ACYP2: variants seen among roughly 807,000 people sequenced by gnomAD.
The protein encoded by ACYP2 is acylphosphatase-2.
ACYP2 carries 12 observed loss-of-function variants against 11.2 expected under a neutral mutation model. That is an observed-to-expected ratio of 1.08 (90% CI 0.69 to 1.74). The LOEUF is 1.74. ACYP2 is among the 40% of genes most tolerant of loss of function. ACYP2 has a pLI of 0.00. For synonymous variants in ACYP2, 43 were observed against 32.2 expected (o/e 1.33, Z -1.13); for missense variants, 134 against 101.9 (o/e 1.31, Z -1.35).
chr2:54,037,772 T>A (rs1374158672), intron 2 of ACYP2, among the ~76,000 whole-genome samples: 1 of 152,126 alleles, frequency 6.6e-6, no homozygotes, highest in Non-Finnish European at 1.5e-5. Flanking sequence ...GAAATCAGAG[T>A]GCTTTTGAAA....
chr2:54,053,873 C>G (rs1055943822), intron 3 of ACYP2, among the ~76,000 whole-genome samples: 1 of 152,190 alleles, frequency 6.6e-6, no homozygotes, highest in East Asian at 1.9e-4. Context: ...TGATTAGACC[C>G]TAACTAATTA....
At chr2:53,973,872 TGTGTG>T (rs1671313040) in intron 2 of ACYP2, 1 of 117,602 alleles carries the variant, frequency 8.5e-6, no homozygotes, top group Admixed American at 9.2e-5. Flanking sequence ...TGTGTGTGTG[TGTGTG>T]TGTGTGTGTG....
At chr2:54,146,800 T>G (rs1170685279) in intron 6 of ACYP2, among the ~76,000 whole-genome samples, 1 of 141,166 alleles carries the variant, frequency 7.1e-6, no homozygotes, top group African/African-American at 2.7e-5. Context: ...GCATTGTCTC[T>G]TTTTTTTTTT....
At chr2:54,178,848 A>G (rs917531638) in intron 6 of ACYP2, among the ~76,000 whole-genome samples, 2 of 152,192 alleles carry the variant, frequency 1.3e-5, no homozygotes, top group African/African-American at 4.8e-5. Flanking sequence ...CTGAGCTGCG[A>G]GTTCTGTTCA....
At chr2:54,120,613 C>T (rs1559040) in intron 4 of ACYP2, among the ~76,000 whole-genome samples, 16,801 of 152,228 alleles carry the variant, frequency 0.11, 979 homozygotes, top group Non-Finnish European at 0.13. Context: ...GAAATCTCCA[C>T]GGCTAGTGGC....
chr2:54,297,607 G>A (rs1369250901), intron 6 of ACYP2, among the ~76,000 whole-genome samples: 1 of 152,046 alleles, frequency 6.6e-6, no homozygotes, highest in Non-Finnish European at 1.5e-5. Flanking sequence ...ACATGGAGTG[G>A]TTTACTGGCA....
At chr2:54,137,604 A>G (rs149402259) in intron 5 of ACYP2, among the ~76,000 whole-genome samples, 51 of 152,286 alleles carry the variant, frequency 3.3e-4, no homozygotes, top group Middle Eastern at 3.4e-3. Context: ...CCTTCAAAGG[A>G]CATGATCTCA....
chr2:54,156,182 A>C (rs1682421567), intron 6 of ACYP2, among the ~76,000 whole-genome samples: 1 of 152,170 alleles, frequency 6.6e-6, no homozygotes, highest in Admixed American at 6.5e-5. Context: ...GCTCAAGTTC[A>C]ATATTTGCTT....
intron 2 of ACYP2, among the ~76,000 whole-genome samples, chr2:54,003,354 A>C (rs944779834): frequency 2.6e-5 from 4 of 150,982 alleles, no homozygotes; most frequent in African/African-American, 9.8e-5. Flanking sequence ...CCGCCTCCCA[A>C]GTTCAAGCGA....
At chr2:54,153,477 ATG>A (rs199546162) in intron 6 of ACYP2, among the ~76,000 whole-genome samples, 1,833 of 90,262 alleles carry the variant, frequency 0.02, 47 homozygotes, top group African/African-American at 0.065. Flanking sequence ...TTTTTTTTTC[ATG>A]TGTGTGTGGT....
intron 6 of ACYP2, among the ~76,000 whole-genome samples, chr2:54,196,152 T>A (rs574761415): frequency 6.6e-6 from 1 of 152,252 alleles, no homozygotes; most frequent in East Asian, 1.9e-4. Flanking sequence ...AAGGGCTGAA[T>A]GTGTATTAAA....
chr2:54,174,744 A>G (rs1046791960), intron 6 of ACYP2, among the ~76,000 whole-genome samples: 1 of 152,126 alleles, frequency 6.6e-6, no homozygotes, highest in Non-Finnish European at 1.5e-5. Context: ...AGGGCTGTTG[A>G]ATTTTGTCAA....
chr2:54,204,249 G>T (rs780146031), intron 6 of ACYP2, among the ~76,000 whole-genome samples: 6 of 151,646 alleles, frequency 4.0e-5, no homozygotes, highest in Non-Finnish European at 4.4e-5. Flanking sequence ...CGCCCACCTC[G>T]GCCAAAGTGC....
chr2:54,267,193 A>G (rs986962294), intron 6 of ACYP2: 19 of 1,221,904 alleles, frequency 1.6e-5, no homozygotes, highest in Non-Finnish European at 2.1e-5. Context: ...TCATCAAGAA[A>G]ATGTTTTTTA....
intron 6 of ACYP2, among the ~76,000 whole-genome samples, chr2:54,193,310 T>C (rs1684315335): frequency 6.6e-6 from 1 of 152,248 alleles, no homozygotes. Context: ...AATATCTTTA[T>C]TATCTCATTT....
chr2:54,205,056 C>G (rs1685015384), intron 6 of ACYP2, among the ~76,000 whole-genome samples: 1 of 144,948 alleles, frequency 6.9e-6, no homozygotes, highest in East Asian at 2.2e-4. Context: ...TTTATTGTTT[C>G]TTCCATTAAT....
intron 6 of ACYP2, among the ~76,000 whole-genome samples, chr2:54,299,991 ACTCTT>A (rs1689661870): frequency 6.6e-6 from 1 of 151,584 alleles, no homozygotes; most frequent in Non-Finnish European, 1.5e-5. Context: ...CAATCCCTCA[ACTCTT>A]CCTCCACCCC....
chr2:54,179,742 G>C (rs111506798), intron 6 of ACYP2, among the ~76,000 whole-genome samples: 1 of 152,230 alleles, frequency 6.6e-6, no homozygotes, highest in East Asian at 1.9e-4. Flanking sequence ...CTTGACTGCA[G>C]CCTGTTTTAT....
rs910142917 is a variant in ACYP2, at chr2:54,019,624, A to G, written c.63-31334A>G. On this transcript the variant is annotated intron_variant, in intron 2 of 6. Coordinates refer to ENST00000607452, the MANE Select transcript of ACYP2 (RefSeq NM_001320586.2). Reference sequence around the variant, plus strand: ...CCCCTGTGCTTTTATTATTATTATTATTATTATTATTTTGAGACGGAGTCT... The same window carrying G: ...CCCCTGTGCTTTTATTATTATTATTGTTATTATTATTTTGAGACGGAGTCT... 2.0e-5 allele frequency among the ~76,000 whole-genome samples: 3 copies of G among 149,472 alleles called. No homozygotes were observed. In the East Asian group the frequency reaches 6.0e-4, roughly 30 times the overall value.
Sources: gnomAD v4.1 joint callset for allele counts (sites outside exome capture counted in the v4.1 genomes callset) on GRCh38, gnomAD v4.1.1 for gene constraint, MANE v1.5 for transcripts, NCBI Gene and HGNC (gene_info 2026-07-23, HGNC 2026-07-21) for gene names.